CCDC40: variants seen among roughly 807,000 people sequenced by gnomAD.
The protein encoded by CCDC40 is coiled-coil domain 40 molecular ruler complex subunit.
A neutral mutation model predicts 124.5 loss-of-function variants in CCDC40; 104 were observed. The observed-to-expected ratio is 0.84, with a 90% CI of 0.71 to 0.98. CCDC40 has a LOEUF of 0.98. CCDC40 is among the 50% of genes least tolerant of loss of function. The pLI, the probability that CCDC40 is intolerant of heterozygous loss-of-function variation, is 0.00. For missense variants in CCDC40, 1,463 were observed against 1,503.9 expected (o/e 0.97, Z 0.45); for synonymous variants, 580 against 602.9 (o/e 0.96, Z 0.56).
intron 10 of CCDC40, among the ~76,000 whole-genome samples, chr17:80,078,392 CAAGTTTTCCACTA>C (rs553614082): frequency 6.6e-5 from 10 of 151,876 alleles, no homozygotes; most frequent in Admixed American, 3.9e-4. Context: ...GATTTTCTCC[CAAGTTTTCCACTA>C]AAGTTTTCCA....
chr17:80,058,620 G>C lies in CCDC40; in HGVS notation c.1286G>C (p.Arg429Thr). ...TQVVKKAETERIRAEIEKKKQ... is the reference protein window; with the variant it reads ...TQVVKKAETETIRAEIEKKKQ... ...GTGGTAAAGAAGGCCGAGACGGAGA[G>C]GATCCGGGCAGAAATCGAGAAGAAA... is the stretch of plus-strand genomic sequence containing the variant. The change falls in exon 8 of 20, where the codon AGG (arginine) becomes ACG (threonine). Residue 429 changes from arginine (R) to threonine (T), a missense_variant. Transcript: ENST00000397545. The surrounding 1 kb of genome is among the most constrained non-coding windows in gnomAD (Gnocchi z 4.2). 6.8e-6 allele frequency: 11 copies of C among 1,614,232 alleles called. No homozygotes were observed. The highest frequency in any genetic ancestry group is 7.6e-6 in the Non-Finnish European group (9 of 1,180,036).
In CCDC40 at chr17:80,039,982, T is replaced by C; in HGVS notation, c.264T>C (p.Asp88=). The C allele has an allele frequency of 6.2e-6, 10 of 1,614,044 alleles. No homozygotes were observed. The highest frequency in any genetic ancestry group is 8.5e-6 in the Non-Finnish European group (10 of 1,179,994). ...EGEEEAVSYG[D]AESEEEYYYT... ...AAGAGGAGGCTGTGTCCTATGGAGA[T>C]GCTGAAAGCGAAGAGGAATATTACT... Residue 88 remains aspartate (D), a synonymous_variant, in exon 3 of 20, where the codon GAT becomes GAC. Coordinates refer to ENST00000397545, the MANE Select transcript of CCDC40 (RefSeq NM_017950.4).
chr17:80,067,392 G>T, intron 10 of CCDC40: 1 of 608,032 alleles, frequency 1.6e-6, no homozygotes. Flanking sequence ...CCTAACTTGT[G>T]TGCAATTGCA....
chr17:80,075,619 C>T (rs868660214), intron 10 of CCDC40, among the ~76,000 whole-genome samples: 3 of 151,926 alleles, frequency 2.0e-5, no homozygotes, highest in African/African-American at 7.3e-5. Context: ...CAGGGGTGGT[C>T]GCTGCTGAAG....
chr17:80,065,554 G>C lies in CCDC40; in HGVS notation c.1510G>C (p.Val504Leu), dbSNP rs760392170. ...CATGCAGCAATGGGCCAGCAGCCTG[G>C]TGGGCATGAAGCACCGCGACGAGGC... is the stretch of plus-strand genomic sequence containing the variant. The part of the protein sequence containing the change: ...RIMQQWASSL[V>L]GMKHRDEAHR... Residue 504 changes from valine to leucine, a missense_variant, in exon 10 of 20, where the codon GTG (valine) becomes CTG (leucine). Coordinates refer to ENST00000397545, the MANE Select transcript of CCDC40 (RefSeq NM_017950.4). The C allele has an allele frequency of 6.2e-7, 1 of 1,613,118 alleles. No homozygotes were observed. The highest frequency in any genetic ancestry group is 1.7e-5 in the Admixed American group (1 of 60,012).
At chr17:80,082,838 A>C (rs2038490408) in intron 12 of CCDC40, among the ~76,000 whole-genome samples, 1 of 152,238 alleles carries the variant, frequency 6.6e-6, no homozygotes, top group Non-Finnish European at 1.5e-5. Context: ...AGTTTCCAGA[A>C]GAGGGCAGCA....
chr17:80,091,772 C>CT (rs796598043), intron 17 of CCDC40, among the ~76,000 whole-genome samples: 18 of 150,210 alleles, frequency 1.2e-4, no homozygotes, highest in South Asian at 2.1e-4. Context: ...CTTACTGGTT[C>CT]TTTTTTTTTT....
chr17:80,048,533 G>A, intron 4 of CCDC40, 50 bp from the exon 5 acceptor site: 1 of 1,480,784 alleles, frequency 6.8e-7, no homozygotes, highest in Non-Finnish European at 9.4e-7. Context: ...TAGAATCACT[G>A]AGGCTTCTCT....
At chr17:80,069,790 G>C (rs1441308749) in intron 10 of CCDC40, among the ~76,000 whole-genome samples, 3 of 151,592 alleles carry the variant, frequency 2.0e-5, no homozygotes, top group Non-Finnish European at 2.9e-5. Context: ...GAGAGAGAGA[G>C]AGACAGAGAG....
rs370744670 is a variant in CCDC40 at position 80,040,451 on chromosome 17, G to A, written c.552+181G>A. ...CCCAGCACTTTGGGAGGCGAAGGTG[G>A]GTGGGTCACCTGAGGTCAGGAGTTC... On this transcript the variant is annotated intron_variant, in intron 3 of 19. Coordinates refer to ENST00000397545, the MANE Select transcript of CCDC40 (RefSeq NM_017950.4). 6.4e-5 allele frequency: 42 copies of A among 653,706 alleles called. No individual in the cohort carries two copies. In the African/African-American group the frequency reaches 6.5e-4, roughly 10 times the overall value. 40.5% of individuals were successfully genotyped at this position (653,706 alleles called of 1,614,324 possible). A position where few individuals can be genotyped will look rare whatever the true frequency, so the allele number is the denominator to read the frequency against.
Position 80,047,568 on chromosome 17 carries a change from A to T in CCDC40, c.676+166A>T, listed in dbSNP as rs548199071. ...CAGATATGGATAACATTTATTGGGC[A>T]TTTACTGTTTTATCTCATTTAATCC... On this transcript the variant is annotated intron_variant, in intron 4 of 19. Transcript: ENST00000397545. 2.1e-5 allele frequency: 15 copies of T among 701,550 alleles called. No individual in the cohort carries two copies. The South Asian group carries it at 2.3e-4, about 11-fold the overall frequency. 43.5% of individuals were successfully genotyped at this position (701,550 alleles called of 1,614,324 possible).
chr17:80,043,208 G>T (rs1410208416), intron 3 of CCDC40, among the ~76,000 whole-genome samples: 1 of 152,102 alleles, frequency 6.6e-6, no homozygotes, highest in Non-Finnish European at 1.5e-5. Flanking sequence ...TTGTGTGATC[G>T]GACGCACCTC....
At chr17:80,065,343 CT>C (rs1399388348) in intron 9 of CCDC40, 141 bp from the exon 10 acceptor site, 3 of 1,155,318 alleles carry the variant, frequency 2.6e-6, no homozygotes, top group Non-Finnish European at 3.9e-6. Flanking sequence ...GTGTTTACCC[CT>C]CTGCAGATGC....
intron 10 of CCDC40, among the ~76,000 whole-genome samples, chr17:80,070,165 C>T (rs1210829553): frequency 1.3e-5 from 2 of 152,180 alleles, no homozygotes; most frequent in Non-Finnish European, 2.9e-5. Context: ...CACAGTGTCC[C>T]CAGCAGGCCT....
At chr17:80,056,777 C>CGAG in intron 7 of CCDC40, among the ~76,000 whole-genome samples, 1 of 151,918 alleles carries the variant, frequency 6.6e-6, no homozygotes, top group African/African-American at 2.4e-5. Context: ...TGGTGGCTCA[C>CGAG]GCCTGTAATC....
rs1475141450 is a variant in CCDC40, at chr17:80,048,620, A to G, written c.714A>G (p.Glu238=). The change falls in exon 5 of 20, where the codon GAA becomes GAG. Residue 238 remains glutamate (E), a synonymous_variant. Coordinates refer to ENST00000397545, the MANE Select transcript of CCDC40 (RefSeq NM_017950.4). ...PPGVPDAHPR[E]GDLPVFQDQI... ...GGGTGCCCGATGCCCACCCCAGGGAAGGAGACCTGCCAGTGTTCCAGGACC... is the reference window on the plus strand; with the variant it reads ...GGGTGCCCGATGCCCACCCCAGGGAGGGAGACCTGCCAGTGTTCCAGGACC... The G allele has an allele frequency of 1.2e-6, 2 of 1,613,962 alleles. No individual in the cohort carries two copies. Among genetic ancestry groups the G allele is most frequent in the East Asian group, 2.2e-5 (1 of 44,864 alleles).
At chr17:80,078,108 G>A (rs1406792026) in intron 10 of CCDC40, among the ~76,000 whole-genome samples, 5 of 152,072 alleles carry the variant, frequency 3.3e-5, no homozygotes, top group Non-Finnish European at 1.5e-5. Context: ...AAGGTGGGCG[G>A]ATCACGAGGT....
chr17:80,093,664 C>T (rs2038757572), intron 17 of CCDC40, among the ~76,000 whole-genome samples: 1 of 151,774 alleles, frequency 6.6e-6, no homozygotes, highest in African/African-American at 2.4e-5. Flanking sequence ...CAGGCGTGCA[C>T]CACTATGCCT....
intron 17 of CCDC40, chr17:80,090,285 C>A: frequency 7.6e-7 from 1 of 1,312,240 alleles, no homozygotes; most frequent in Non-Finnish European, 1.0e-6. Context: ...ACGAACAACA[C>A]GGGACGCGCG....
Sources: allele counts gnomAD v4.1 joint callset (sites outside exome capture counted in the v4.1 genomes callset), GRCh38; gene constraint gnomAD v4.1.1; non-coding constraint Gnocchi (gnomAD v3.1); transcripts MANE v1.5; gene names NCBI Gene and HGNC (gene_info 2026-07-23, HGNC 2026-07-21).